The following BICRAL variants were observed in gnomAD, a reference collection of about 807,000 sequenced individuals.
BICRAL encodes BICRA like chromatin remodeling complex associated protein.
In BICRAL, 8 loss-of-function variants were observed where a neutral mutation model predicts 91.8. That is an observed-to-expected ratio of 0.09 (90% CI 0.05 to 0.16). The LOEUF (loss-of-function observed/expected upper bound fraction) is 0.16, where lower values mean the gene tolerates loss of function less well. Ranked by LOEUF, BICRAL falls within the 10% of genes least tolerant of loss-of-function variation. BICRAL has a pLI of 1.00. For missense variants in BICRAL, 1,038 were observed against 1,310.9 expected, an observed-to-expected ratio of 0.79 and a Z score of 3.21; for synonymous variants, 445 against 491.1, an observed-to-expected ratio of 0.91 and a Z score of 1.24.
chr6:42,816,789 C>T (rs955950229), intron 2 of BICRAL, among the ~76,000 whole-genome samples: 20 of 151,588 alleles, frequency 1.3e-4, no homozygotes, highest in Non-Finnish European at 2.8e-4. Context: ...CCGAGGCGGG[C>T]GGATCACGAG....
chr6:42,755,123 G>A (rs1218739411), intron 1 of BICRAL, among the ~76,000 whole-genome samples: 1 of 151,940 alleles, frequency 6.6e-6, no homozygotes, highest in Non-Finnish European at 1.5e-5. Flanking sequence ...TCTGGAAAGT[G>A]TGCAGAAGGT....
intron 1 of BICRAL, among the ~76,000 whole-genome samples, chr6:42,807,824 C>T (rs1259032513): frequency 6.6e-6 from 1 of 150,942 alleles, no homozygotes; most frequent in Non-Finnish European, 1.5e-5. Context: ...AAAAATAGTG[C>T]ACGCCTGTAC....
intron 6 of BICRAL, among the ~76,000 whole-genome samples, chr6:42,839,681 A>G (rs2113981310): frequency 6.6e-6 from 1 of 152,224 alleles, no homozygotes; most frequent in South Asian, 2.1e-4. Context: ...GAGATCATGT[A>G]TTCTTTCTGT....
At chr6:42,785,723 G>T (rs1266764458) in intron 1 of BICRAL, among the ~76,000 whole-genome samples, 1 of 152,148 alleles carries the variant, frequency 6.6e-6, no homozygotes, top group Non-Finnish European at 1.5e-5. Context: ...AAGTAGGATA[G>T]TCAAGTTATG....
intron 6 of BICRAL, among the ~76,000 whole-genome samples, chr6:42,843,423 A>C (rs914200605): frequency 1.1e-4 from 16 of 152,164 alleles, no homozygotes; most frequent in African/African-American, 3.9e-4. Flanking sequence ...GGCGAGCACA[A>C]ACCATGTAGG....
chr6:42,856,767 G>A (rs996953067), intron 9 of BICRAL, among the ~76,000 whole-genome samples: 4 of 152,190 alleles, frequency 2.6e-5, no homozygotes, highest in African/African-American at 4.8e-5. Context: ...GAGGAAAAGC[G>A]TGGTTTGGTA....
At chr6:42,796,285 CAG>C (rs1243069844) in intron 1 of BICRAL, among the ~76,000 whole-genome samples, 2 of 152,126 alleles carry the variant, frequency 1.3e-5, no homozygotes, top group African/African-American at 4.8e-5. Context: ...TGTCTTTGAG[CAG>C]AGTCTTGAAT....
At chr6:42,832,108 G>T (rs927618437) in intron 6 of BICRAL, among the ~76,000 whole-genome samples, 1 of 151,620 alleles carries the variant, frequency 6.6e-6, no homozygotes, top group African/African-American at 2.4e-5. Context: ...AGCACTTTGG[G>T]AGGCCAAGGT....
At chr6:42,850,346 C>T (rs568657985) in intron 6 of BICRAL, among the ~76,000 whole-genome samples, 1 of 151,952 alleles carries the variant, frequency 6.6e-6, no homozygotes, top group East Asian at 1.9e-4. Context: ...ACAGTGAAAC[C>T]CCGTCTCTAC....
intron 6 of BICRAL, among the ~76,000 whole-genome samples, chr6:42,840,442 C>T (rs1473904196): frequency 1.3e-5 from 2 of 151,908 alleles, no homozygotes; most frequent in African/African-American, 4.8e-5. Context: ...AGGGTTTCAC[C>T]GTGTTAGCCA....
intron 1 of BICRAL, among the ~76,000 whole-genome samples, chr6:42,750,603 T>C (rs192563327): frequency 2.0e-5 from 3 of 152,300 alleles, no homozygotes; most frequent in African/African-American, 7.2e-5. Context: ...CAAGACGACG[T>C]CTTGCTCTGT....
chr6:42,855,914 C>A lies in BICRAL; in HGVS notation c.2105C>A (p.Ala702Asp). 6.2e-7 allele frequency: 1 copy of A among 1,612,362 alleles called. No homozygotes were observed. The highest frequency in any genetic ancestry group is 8.5e-7 in the Non-Finnish European group (1 of 1,178,432). Residue 702 changes from alanine (A) to aspartate (D), a missense_variant, in exon 9 of 13, where the codon GCT becomes GAT. Around this residue, in one of 5 missense-constraint regions of BICRAL, gnomAD observed 532 missense variants for 724.9 expected, o/e 0.73. Coordinates refer to ENST00000314073, the MANE Select transcript of BICRAL (RefSeq NM_001393499.1). ...RPAAKQLTKG[A>D]FILQQLQRDQ... ...GCTGCGAAACAGCTAACGAAAGGAG[C>A]TTTGTGAGTTACTCTCGGAAATGAC...
intron 1 of BICRAL, among the ~76,000 whole-genome samples, chr6:42,782,717 G>C (rs1762954785): frequency 1.3e-5 from 2 of 151,744 alleles, no homozygotes; most frequent in African/African-American, 2.4e-5. Flanking sequence ...GTGTGCGCGA[G>C]TGTGAGTGTG....
At chr6:42,780,747 G>GTTTTGTTTTGT (rs1762886953), upstream of BICRAL, among the ~76,000 whole-genome samples, 1 of 150,972 alleles carries the variant, frequency 6.6e-6, no homozygotes. Context: ...TTGTTGTTTT[G>GTTTTGTTTTGT]TTTTGTTTTT....
rs1041572029 is a variant in BICRAL, at chr6:42,856,444, G to A, written c.2108+527G>A. Among the ~76,000 whole-genome samples the A allele has an allele frequency of 8.0e-5, 11 of 136,666 alleles. No individual in the cohort carries two copies. In the South Asian group the frequency reaches 9.3e-4, roughly 12 times the overall value. 89.7% of individuals were successfully genotyped at this position (136,666 alleles called of 152,430 possible). A position where few individuals can be genotyped will look rare whatever the true frequency, so the allele number is the denominator to read the frequency against. On this transcript the variant is annotated intron_variant, in intron 9 of 12. Transcript: ENST00000314073. Reference sequence around the variant, plus strand: ...GGCTGGAGTGCAGTGGGACGATCTCGGCTCACTACAGCCTCCGCCTTCTGG... The same window carrying A: ...GGCTGGAGTGCAGTGGGACGATCTCAGCTCACTACAGCCTCCGCCTTCTGG...
intron 1 of BICRAL, among the ~76,000 whole-genome samples, chr6:42,772,853 G>T (rs1762756696): frequency 6.6e-6 from 1 of 152,188 alleles, no homozygotes; most frequent in Admixed American, 6.6e-5. Flanking sequence ...GATTTTGGAA[G>T]TGAGTTTTGT....
At chr6:42,800,356 G>T (rs1049876950) in intron 1 of BICRAL, among the ~76,000 whole-genome samples, 2 of 151,904 alleles carry the variant, frequency 1.3e-5, no homozygotes, top group African/African-American at 4.8e-5. Flanking sequence ...TAGAGATGGG[G>T]TTTTGCCATG....
intron 2 of BICRAL, among the ~76,000 whole-genome samples, chr6:42,815,804 G>A (rs529558104): frequency 2.7e-5 from 4 of 150,448 alleles, no homozygotes; most frequent in Non-Finnish European, 5.9e-5. Context: ...CCTGACCAAC[G>A]TGGAGAAACC....
intron 1 of BICRAL, among the ~76,000 whole-genome samples, chr6:42,799,403 A>G: frequency 6.7e-6 from 1 of 148,832 alleles, no homozygotes; most frequent in Non-Finnish European, 1.5e-5. Context: ...GGTTCAAGGG[A>G]GTCTCCTGCC....
Sources: gnomAD v4.1 joint callset for allele counts (sites outside exome capture counted in the v4.1 genomes callset) on GRCh38, gnomAD v4.1.1 for gene constraint, gnomAD v4.1.1 regional missense constraint, MANE v1.5 for transcripts, NCBI Gene and HGNC (gene_info 2026-07-23, HGNC 2026-07-21) for gene names.